Variants in PATJ observed in about 807,000 individuals in gnomAD.
PATJ encodes the protein PATJ crumbs cell polarity complex component.
In PATJ, 190 loss-of-function variants were observed where a neutral mutation model predicts 224.9. The observed-to-expected ratio is 0.84, with a 90% CI of 0.75 to 0.95. PATJ has a LOEUF of 0.95. PATJ is among the 40% of genes least tolerant of loss of function. The pLI is 0.00. For synonymous variants in PATJ, 769 were observed against 820.3 expected, an observed-to-expected ratio of 0.94 and a Z score of 1.07; for missense variants, 2,121 against 2,270.3, an observed-to-expected ratio of 0.93 and a Z score of 1.34.
At chr1:62,097,597 A>G (rs922420927) in intron 33 of PATJ, among the ~76,000 whole-genome samples, 3 of 152,318 alleles carry the variant, frequency 2.0e-5, no homozygotes, top group South Asian at 2.1e-4. Context: ...GCCATCCAGG[A>G]CACAACCAGC....
At chr1:62,092,345 A>G (rs981538110) in intron 33 of PATJ, among the ~76,000 whole-genome samples, 3 of 152,048 alleles carry the variant, frequency 2.0e-5, no homozygotes, top group Admixed American at 1.3e-4. Context: ...GCACCACTAC[A>G]TTCCGGCCTG....
chr1:62,129,572 T>C (rs1666059548), intron 41 of PATJ, among the ~76,000 whole-genome samples: 1 of 152,252 alleles, frequency 6.6e-6, no homozygotes, highest in Admixed American at 6.5e-5. Flanking sequence ...AGAGGCAGCA[T>C]ACTGGCAGTG....
At chr1:61,818,332 T>G (rs946606893) in intron 14 of PATJ, among the ~76,000 whole-genome samples, 3 of 152,176 alleles carry the variant, frequency 2.0e-5, no homozygotes, top group South Asian at 2.1e-4. Flanking sequence ...ATAGAACCCC[T>G]CACAAAACGT....
At chr1:62,075,461 T>C (rs1658129722) in intron 31 of PATJ, among the ~76,000 whole-genome samples, 1 of 152,232 alleles carries the variant, frequency 6.6e-6, no homozygotes, top group African/African-American at 2.4e-5. Context: ...CCTTGCAAGA[T>C]ATAGATGTAT....
intron 31 of PATJ, among the ~76,000 whole-genome samples, chr1:62,053,446 A>C (rs1653997616): frequency 6.6e-6 from 1 of 152,140 alleles, no homozygotes; most frequent in South Asian, 2.1e-4. Context: ...CTGGCCGGGC[A>C]CAGTGGCTCA....
chr1:62,007,289 A>G (rs562183012), intron 28 of PATJ, among the ~76,000 whole-genome samples: 54 of 152,372 alleles, frequency 3.5e-4, no homozygotes, highest in African/African-American at 1.3e-3. Flanking sequence ...TGAAGCTGAG[A>G]CAGAAGTTAC....
intron 10 of PATJ, among the ~76,000 whole-genome samples, chr1:61,796,744 T>TTTCTTTCTTG: frequency 8.4e-6 from 1 of 119,192 alleles, no homozygotes; most frequent in African/African-American, 3.3e-5. Flanking sequence ...TTCTTTCTTT[T>TTTCTTTCTTG]TTTTCTTCCT....
At chr1:61,779,949 C>T (rs183091495) in intron 7 of PATJ, among the ~76,000 whole-genome samples, 1 of 152,146 alleles carries the variant, frequency 6.6e-6, no homozygotes, top group East Asian at 1.9e-4. Context: ...AGTGAGAACT[C>T]ACTGCACTAA....
intron 29 of PATJ, among the ~76,000 whole-genome samples, chr1:62,026,183 A>G (rs972867317): frequency 5.3e-5 from 8 of 151,946 alleles, no homozygotes; most frequent in Admixed American, 5.2e-4. Context: ...GGAACTGTTT[A>G]CTCTGTTCAT....
At chr1:61,762,803 T>C (rs942693434) in intron 1 of PATJ, 55 bp from the exon 2 acceptor site, 1 of 753,260 alleles carries the variant, frequency 1.3e-6, no homozygotes, top group Non-Finnish European at 2.2e-6. Flanking sequence ...TTCTACAGGA[T>C]TGTAGCCATA....
At chr1:61,987,813 T>G (rs545164364) in intron 27 of PATJ, among the ~76,000 whole-genome samples, 7 of 152,196 alleles carry the variant, frequency 4.6e-5, no homozygotes, top group Non-Finnish European at 1.0e-4. Context: ...CTTCTTCACA[T>G]AATCAAATTC....
intron 30 of PATJ, among the ~76,000 whole-genome samples, chr1:62,050,508 A>G (rs778701104): frequency 1.6e-4 from 25 of 152,258 alleles, no homozygotes; most frequent in Non-Finnish European, 2.9e-4. Context: ...ACGGTCGTCC[A>G]TGGAAACTTG....
At chr1:61,945,888 A>G (rs1678622686) in intron 27 of PATJ, among the ~76,000 whole-genome samples, 1 of 152,250 alleles carries the variant, frequency 6.6e-6, no homozygotes, top group South Asian at 2.1e-4. Context: ...AGTGCAATCA[A>G]ACTAGAACTC....
intron 28 of PATJ, among the ~76,000 whole-genome samples, chr1:62,001,538 C>T (rs1279959890): frequency 1.3e-5 from 2 of 150,774 alleles, no homozygotes; most frequent in Non-Finnish European, 3.0e-5. Flanking sequence ...TGTTCTGTTC[C>T]ATTGATCTAT....
intron 31 of PATJ, among the ~76,000 whole-genome samples, chr1:62,078,364 C>G (rs1397643763): frequency 2.0e-5 from 3 of 152,180 alleles, no homozygotes; most frequent in African/African-American, 7.2e-5. Flanking sequence ...CTCACTGCAA[C>G]CTCTGCCTCC....
chr1:61,789,134 C>T (rs1243649030), intron 8 of PATJ, among the ~76,000 whole-genome samples: 1 of 151,762 alleles, frequency 6.6e-6, no homozygotes, highest in Admixed American at 6.6e-5. Flanking sequence ...GATGGCAAAA[C>T]CCAATCTCTA....
chr1:61,831,110 C>T (rs1659230808), intron 16 of PATJ, among the ~76,000 whole-genome samples: 1 of 151,186 alleles, frequency 6.6e-6, no homozygotes, highest in Non-Finnish European at 1.5e-5. Flanking sequence ...ATGGCATGAA[C>T]CCGAGAGGTG....
intron 41 of PATJ, among the ~76,000 whole-genome samples, chr1:62,130,008 G>A (rs1178803542): frequency 6.6e-6 from 1 of 151,958 alleles, no homozygotes; most frequent in African/African-American, 2.4e-5. Context: ...TTAGAGAGAG[G>A]GCCAGCCAGC....
intron 16 of PATJ, among the ~76,000 whole-genome samples, chr1:61,831,790 A>C (rs1205100163): frequency 1.3e-5 from 2 of 152,236 alleles, no homozygotes; most frequent in African/African-American, 4.8e-5. Context: ...AGAGAACTTA[A>C]AACAGAACTA....
Sources: gnomAD v4.1 joint callset for allele counts (sites outside exome capture counted in the v4.1 genomes callset) on GRCh38, gnomAD v4.1.1 for gene constraint, MANE v1.5 for transcripts, NCBI Gene and HGNC (gene_info 2026-07-23, HGNC 2026-07-21) for gene names.